WDSUB1: variants seen among roughly 807,000 people sequenced by gnomAD.
WDSUB1 encodes the protein WD repeat, sterile alpha motif and U-box domain containing 1.
A neutral mutation model predicts 53.9 loss-of-function variants in WDSUB1; 49 were observed. That is an observed-to-expected ratio of 0.91 (90% CI 0.72 to 1.15). WDSUB1 has a LOEUF of 1.15. Among genes scored for constraint, WDSUB1 ranks in the 50% most tolerant of loss-of-function variants. WDSUB1 has a pLI of 0.00. For missense variants in WDSUB1, 514 were observed against 562.0 expected, an observed-to-expected ratio of 0.91 and a Z score of 0.86; for synonymous variants, 194 against 200.6, an observed-to-expected ratio of 0.97 and a Z score of 0.28.
At chr2:159,249,537 A>G (rs1195168403) in intron 9 of WDSUB1, among the ~76,000 whole-genome samples, 2 of 152,212 alleles carry the variant, frequency 1.3e-5, no homozygotes, top group Non-Finnish European at 2.9e-5. Flanking sequence ...AGGTTTATAC[A>G]TGTCTTAGGA....
At chr2:159,269,876 G>A (rs1188390586) in intron 5 of WDSUB1, among the ~76,000 whole-genome samples, 3 of 152,034 alleles carry the variant, frequency 2.0e-5, no homozygotes, top group Non-Finnish European at 4.4e-5. Context: ...GAAGAATAAA[G>A]CTTATCTCCC....
chr2:159,259,036 A>AATTTTTTTTTTTTTTTTTTTTTTTTTT (rs1436442238), intron 6 of WDSUB1, among the ~76,000 whole-genome samples: 5 of 150,604 alleles, frequency 3.3e-5, no homozygotes, highest in Non-Finnish European at 1.5e-5. Flanking sequence ...CAACTACTTT[A>AATTTTTTTTTTTTTTTTTTTTTTTTTT]TTTTTGAGAC....
intron 5 of WDSUB1, among the ~76,000 whole-genome samples, chr2:159,262,291 G>C (rs568765654): frequency 6.6e-6 from 1 of 152,108 alleles, no homozygotes; most frequent in South Asian, 2.1e-4. Context: ...CAGTGCGACA[G>C]GCAAGAGTCC....
intron 4 of WDSUB1, among the ~76,000 whole-genome samples, chr2:159,272,823 A>G (rs1007630242): frequency 2.6e-5 from 4 of 152,168 alleles, no homozygotes; most frequent in Admixed American, 6.5e-5. Flanking sequence ...TACAAAGTAT[A>G]AAAAGGTATA....
intron 10 of WDSUB1, among the ~76,000 whole-genome samples, chr2:159,245,111 A>T (rs912310774): frequency 1.3e-5 from 2 of 152,226 alleles, no homozygotes; most frequent in Non-Finnish European, 2.9e-5. Context: ...ATCCCAGTGA[A>T]AATCCGGGCA....
intron 9 of WDSUB1, among the ~76,000 whole-genome samples, chr2:159,251,198 A>G (rs973780088): frequency 4.1e-5 from 6 of 145,696 alleles, no homozygotes; most frequent in Admixed American, 6.8e-5. Context: ...CCCAAGAGGT[A>G]GAGGCTACAG....
chr2:159,255,453 C>T (rs914193014), intron 9 of WDSUB1, among the ~76,000 whole-genome samples: 2 of 151,466 alleles, frequency 1.3e-5, no homozygotes, highest in Admixed American at 6.6e-5. Flanking sequence ...GGTGACAGAG[C>T]GAGACTCCAT....
intron 3 of WDSUB1, among the ~76,000 whole-genome samples, chr2:159,276,877 C>T (rs1358208669): frequency 2.6e-5 from 4 of 152,134 alleles, no homozygotes; most frequent in Non-Finnish European, 5.9e-5. Context: ...TGGTGGCACA[C>T]ATCTGTAGTT....
chr2:159,258,112 G>T (rs2061109490), intron 6 of WDSUB1, 127 bp from the exon 7 acceptor site: 2 of 794,824 alleles, frequency 2.5e-6, no homozygotes, highest in Non-Finnish European at 4.1e-6. Flanking sequence ...ACTAACATAA[G>T]TTGAAACTTT....
chr2:159,265,837 G>C (rs1294736841), intron 5 of WDSUB1, among the ~76,000 whole-genome samples: 1 of 152,208 alleles, frequency 6.6e-6, no homozygotes, highest in African/African-American at 2.4e-5. Flanking sequence ...AAAGTTATTA[G>C]GGGACAGAAG....
At chr2:159,265,661 T>C (rs924507658) in intron 5 of WDSUB1, among the ~76,000 whole-genome samples, 1 of 152,014 alleles carries the variant, frequency 6.6e-6, no homozygotes, top group South Asian at 2.1e-4. Context: ...TAAGCCATGA[T>C]AGTGCCATCA....
At chr2:159,275,030 G>T (rs2061511837) in intron 4 of WDSUB1, among the ~76,000 whole-genome samples, 1 of 152,038 alleles carries the variant, frequency 6.6e-6, no homozygotes, top group Non-Finnish European at 1.5e-5. Flanking sequence ...AGAAATGTGG[G>T]GGATAAAAAA....
chr2:159,259,984 T>A (rs2061153772), intron 5 of WDSUB1, 141 bp from the exon 6 acceptor site: 1 of 975,950 alleles, frequency 1.0e-6, no homozygotes, highest in African/African-American at 1.7e-5. Context: ...ATCCTTTTGT[T>A]CATATGCATG....
chr2:159,267,291 C>CT (rs1369958280), intron 5 of WDSUB1, among the ~76,000 whole-genome samples: 1 of 126,768 alleles, frequency 7.9e-6, no homozygotes, highest in African/African-American at 3.2e-5. Context: ...TAGTACACCT[C>CT]TTTTTTCTTT....
intron 8 of WDSUB1, among the ~76,000 whole-genome samples, chr2:159,256,792 C>T (rs1263389761): frequency 1.3e-5 from 2 of 152,080 alleles, no homozygotes; most frequent in African/African-American, 4.8e-5. Flanking sequence ...AATTATGTGC[C>T]AATGTCGCTT....
At chr2:159,255,259 A>T (rs2357168) in intron 9 of WDSUB1, among the ~76,000 whole-genome samples, 53,441 of 151,908 alleles carry the variant, frequency 0.35, 12,380 homozygotes, top group Non-Finnish European at 0.54. Flanking sequence ...CAAGGTCAGG[A>T]GATCAAGACC....
chr2:159,242,453 G>A (rs866951413), intron 10 of WDSUB1, among the ~76,000 whole-genome samples: 1 of 146,494 alleles, frequency 6.8e-6, no homozygotes, highest in Non-Finnish European at 1.5e-5. Flanking sequence ...CTGAGGTTGG[G>A]AGATCGAGAC....
In WDSUB1 at chr2:159,283,077, A is replaced by G. The variant is rs757760678; in HGVS notation, c.-8T>C. ...GTGAATCAGTTTCACCATGTTCTTT[A>G]TTTGAAGAAAAACAGCCTGAAATTT... On this transcript the variant is annotated 5_prime_UTR_variant, in exon 2 of 11. Transcript: ENST00000359774. 5.0e-6 allele frequency: 8 copies of G among 1,587,438 alleles called. No homozygotes were observed. Among genetic ancestry groups the G allele is most frequent in the Non-Finnish European group, 6.9e-6 (8 of 1,164,598 alleles).
In WDSUB1 at chr2:159,271,755, A is replaced by G. The variant is rs1480910268; in HGVS notation, c.717T>C (p.Cys239=). The change falls in exon 5 of 11, where the codon TGT becomes TGC. Residue 239 remains cysteine (C), a synonymous_variant. Transcript: ENST00000359774. ...LKYKSTLSGH[C]APVLACAFSH... is the part of the protein sequence containing the mutation. ...AAAAAGCACAAGCCAGAACAGGAGC[A>G]CAGTGCCCACTCAGTGTACTTTTAT... The G allele has an allele frequency of 6.2e-7, 1 of 1,614,232 alleles. No homozygotes were observed.
Sources: gnomAD v4.1 joint callset for allele counts (sites outside exome capture counted in the v4.1 genomes callset) on GRCh38, gnomAD v4.1.1 for gene constraint, MANE v1.5 for transcripts, NCBI Gene and HGNC (gene_info 2026-07-23, HGNC 2026-07-21) for gene names.